SLC9A7: variants seen among roughly 807,000 people sequenced by gnomAD.
SLC9A7 encodes solute carrier family 9 member A7.
SLC9A7 carries 19 observed loss-of-function variants against 52.6 expected under a neutral mutation model. The observed-to-expected ratio is 0.36, with a 90% CI of 0.25 to 0.53. SLC9A7 has a LOEUF of 0.53. SLC9A7 is among the 20% of genes least tolerant of loss of function. The pLI is 0.91. For missense variants in SLC9A7, 455 were observed against 597.9 expected, an observed-to-expected ratio of 0.76 and a Z score of 2.49; for synonymous variants, 226 against 252.1, an observed-to-expected ratio of 0.90 and a Z score of 0.98.
rs938849715 is a variant in SLC9A7 at position 46,643,322 on chromosome X, C to T, written c.1530G>A (p.Met510Ile). Residue 510 changes from methionine to isoleucine, a missense_variant, in exon 12 of 17, where the codon ATG becomes ATA. Physicochemically the swap from Met to Ile is conservative, Grantham distance 10. Transcript: ENST00000616978. ...ACACAATGAGAAGGGTGGTCGTGAACATCATCTGGCGAGCATAGGATGCCG... is the reference window on the plus strand; with the variant it reads ...ACACAATGAGAAGGGTGGTCGTGAATATCATCTGGCGAGCATAGGATGCCG... ...RDTASYARQM[M>I]FTTTLLIVFF... The T allele has an allele frequency of 2.5e-6, 3 of 1,211,199 alleles. No individual in the cohort carries two copies. The highest frequency in any genetic ancestry group is 3.4e-6 in the Non-Finnish European group (3 of 895,013).
chrX:46,720,018 C>A (rs1242762326), intron 1 of SLC9A7, among the ~76,000 whole-genome samples: 3 of 111,466 alleles, frequency 2.7e-5, no homozygotes, highest in East Asian at 5.6e-4. Context: ...TTTCAGCCAG[C>A]CTTCTGACAA....
Position 46,599,807 on chromosome X carries a change from G to GAAAT in SLC9A7, c.*7141_*7144dup, listed in dbSNP as rs1011085002. 2 of 109,212 alleles carry GAAAT rather than the reference G, an allele frequency of 1.8e-5. No individual in the cohort carries two copies. The highest frequency in any genetic ancestry group is 3.8e-5 in the Non-Finnish European group (2 of 53,179). 9.0% of individuals were successfully genotyped at this position (109,212 alleles called of 1,213,427 possible). ...ACCACCAGTTTGCTACTGTTGAATG[G>GAAAT]AAATAGAAGACAAAATTCTCCCCAA... On this transcript the variant is annotated 3_prime_UTR_variant, in exon 17 of 17. Transcript: ENST00000616978.
intron 7 of SLC9A7, among the ~76,000 whole-genome samples, chrX:46,660,442 A>C (rs1435479857): frequency 3.6e-5 from 4 of 109,754 alleles, no homozygotes; most frequent in African/African-American, 1.3e-4. Flanking sequence ...CAACCTACAA[A>C]ATGGGAGAAA....
chrX:46,749,661 C>T (rs1400019748), intron 1 of SLC9A7, among the ~76,000 whole-genome samples: 1 of 111,904 alleles, frequency 8.9e-6, no homozygotes, highest in African/African-American at 3.3e-5. Context: ...AGGCATTTTG[C>T]TCCTACTTGG....
chrX:46,751,985 C>A (rs1312395364), intron 1 of SLC9A7, among the ~76,000 whole-genome samples: 2 of 111,610 alleles, frequency 1.8e-5, no homozygotes, highest in African/African-American at 6.5e-5. Flanking sequence ...TAATAGGTTG[C>A]AAGCTAAGAG....
At chrX:46,626,032 C>A (rs1216086631) in intron 14 of SLC9A7, among the ~76,000 whole-genome samples, 1 of 111,724 alleles carries the variant, frequency 9.0e-6, no homozygotes, top group Non-Finnish European at 1.9e-5. Flanking sequence ...TTTGGCTGGG[C>A]ATGGTGGCCC....
intron 15 of SLC9A7, among the ~76,000 whole-genome samples, chrX:46,620,375 C>T (rs973158630): frequency 6.3e-5 from 7 of 111,234 alleles, no homozygotes; most frequent in African/African-American, 9.8e-5. Context: ...GAGCTGAGTG[C>T]GCCACCACAC....
chrX:46,711,727 G>A (rs1944689914), intron 1 of SLC9A7, among the ~76,000 whole-genome samples: 1 of 110,410 alleles, frequency 9.1e-6, no homozygotes, highest in African/African-American at 3.3e-5. Flanking sequence ...CAGTGCATAA[G>A]TATTCCTGGG....
At chrX:46,731,373 C>T (rs1302810029) in intron 1 of SLC9A7, among the ~76,000 whole-genome samples, 3 of 104,159 alleles carry the variant, frequency 2.9e-5, no homozygotes, top group Non-Finnish European at 5.9e-5. Flanking sequence ...GGGAGGATCA[C>T]TTGAGGCCAG....
At chrX:46,652,282 C>T (rs747114117) in intron 8 of SLC9A7, among the ~76,000 whole-genome samples, 51 of 111,367 alleles carry the variant, frequency 4.6e-4, no homozygotes, top group Admixed American at 7.7e-4. Flanking sequence ...TCCTGAATAG[C>T]TGGGACTACA....
chrX:46,632,403 C>G (rs1050898346), intron 13 of SLC9A7, among the ~76,000 whole-genome samples: 1 of 111,593 alleles, frequency 9.0e-6, no homozygotes, highest in Admixed American at 9.5e-5. Context: ...TGGCCAGAAC[C>G]GAACATCTGA....
chrX:46,735,161 A>T (rs769209700), intron 1 of SLC9A7, among the ~76,000 whole-genome samples: 2 of 111,386 alleles, frequency 1.8e-5, no homozygotes, highest in African/African-American at 6.5e-5. Flanking sequence ...GAGGGTCAAA[A>T]TTTACTATCT....
At chrX:46,673,940 C>T (rs1944068265) in intron 3 of SLC9A7, among the ~76,000 whole-genome samples, 1 of 112,441 alleles carries the variant, frequency 8.9e-6, no homozygotes, top group Non-Finnish European at 1.9e-5. Flanking sequence ...ATGTTTGCCT[C>T]TTAAATAACC....
At chrX:46,677,101 C>G (rs959672795) in intron 3 of SLC9A7, among the ~76,000 whole-genome samples, 3 of 111,848 alleles carry the variant, frequency 2.7e-5, no homozygotes, top group Non-Finnish European at 3.8e-5. Flanking sequence ...TTCCTCTCCC[C>G]CTTCCCCTCC....
At chrX:46,643,476 A>G (rs1943439498) in intron 11 of SLC9A7, 87 bp from the exon 12 acceptor site, 2 of 941,083 alleles carry the variant, frequency 2.1e-6, no homozygotes, top group Non-Finnish European at 3.0e-6. Flanking sequence ...GGGGCTAATA[A>G]ACTCTATTCA....
chrX:46,644,149 A>G (rs1434142330), intron 11 of SLC9A7, among the ~76,000 whole-genome samples: 5 of 112,398 alleles, frequency 4.4e-5, no homozygotes, highest in Non-Finnish European at 7.5e-5. Flanking sequence ...ATTCATCTGT[A>G]TAAGACATTC....
chrX:46,723,527 T>C (rs1944896785), intron 1 of SLC9A7, among the ~76,000 whole-genome samples: 1 of 110,026 alleles, frequency 9.1e-6, no homozygotes, highest in Admixed American at 9.7e-5. Flanking sequence ...CTGTCAAGGA[T>C]GCCAAGAGGA....
At chrX:46,696,265 C>T (rs1019312102) in intron 1 of SLC9A7, among the ~76,000 whole-genome samples, 5 of 111,016 alleles carry the variant, frequency 4.5e-5, no homozygotes, top group African/African-American at 6.6e-5. Context: ...GGATTACAGA[C>T]GTGAGCGACT....
chrX:46,612,710 G>A lies in SLC9A7; in HGVS notation c.1929+579C>T, dbSNP rs750314890. On this transcript the variant is annotated intron_variant, in intron 16 of 16. Transcript: ENST00000616978. ...TGGGAGGCCGAGGTGGGTGGATCAC[G>A]AGGTCAGGAGTTCAAGACCAGCCTG... Among the ~76,000 whole-genome samples the A allele has an allele frequency of 1.0e-4, 11 of 108,580 alleles. 1 individual carries two copies. The highest frequency in any genetic ancestry group is 4.7e-3 in the Middle Eastern group (1 of 215). 94.3% of individuals were successfully genotyped at this position (108,580 alleles called of 115,157 possible). A position where few individuals can be genotyped will look rare whatever the true frequency, so the allele number is the denominator to read the frequency against.
Sources: allele counts gnomAD v4.1 joint callset (sites outside exome capture counted in the v4.1 genomes callset), GRCh38; gene constraint gnomAD v4.1.1; transcripts MANE v1.5; gene names NCBI Gene and HGNC (gene_info 2026-07-23, HGNC 2026-07-21).